The following GPAM variants were observed in gnomAD, a reference collection of about 807,000 sequenced individuals.
GPAM encodes the protein glycerol-3-phosphate acyltransferase, mitochondrial.
GPAM carries 56 observed loss-of-function variants against 105.0 expected under a neutral mutation model. The observed-to-expected ratio is 0.53, with a 90% CI of 0.43 to 0.67. The LOEUF (loss-of-function observed/expected upper bound fraction) is 0.67, where lower values mean the gene tolerates loss of function less well. Among genes scored for constraint, GPAM ranks in the 30% least tolerant of loss-of-function variants. The pLI is 0.00. For synonymous variants in GPAM, 368 were observed against 354.4 expected (o/e 1.04, Z -0.43); for missense variants, 855 against 989.8 (o/e 0.86, Z 1.83).
chr10:112,165,259 A>C (rs1207992462), intron 12 of GPAM, among the ~76,000 whole-genome samples: 1 of 152,188 alleles, frequency 6.6e-6, no homozygotes, highest in Non-Finnish European at 1.5e-5. Flanking sequence ...TGAATACCTT[A>C]AGAATTTAAA....
At chr10:112,164,335 C>G (rs1453651948) in intron 13 of GPAM, among the ~76,000 whole-genome samples, 190 bp downstream of exon 13, 1 of 152,126 alleles carries the variant, frequency 6.6e-6, no homozygotes, top group Non-Finnish European at 1.5e-5. Flanking sequence ...AAGTTATAAG[C>G]AAATAATTAA....
chr10:112,199,778 A>T (rs572238009), intron 1 of GPAM, among the ~76,000 whole-genome samples: 1 of 152,294 alleles, frequency 6.6e-6, no homozygotes, highest in South Asian at 2.1e-4. Flanking sequence ...GAGCTTGTGC[A>T]GGGGAACTCC....
At chr10:112,194,881 A>G (rs1847705118) in intron 1 of GPAM, among the ~76,000 whole-genome samples, 1 of 152,168 alleles carries the variant, frequency 6.6e-6, no homozygotes, top group East Asian at 1.9e-4. Context: ...AAGAACCTGG[A>G]AGTTCTTGAC....
At chr10:112,190,499 T>A (rs201928026) in intron 1 of GPAM, among the ~76,000 whole-genome samples, 4 of 135,922 alleles carry the variant, frequency 2.9e-5, no homozygotes, top group Non-Finnish European at 4.7e-5. Context: ...GACTCCATCT[T>A]AAAAAAAAAA....
At chr10:112,186,066 C>T (rs1847592772), upstream of GPAM, among the ~76,000 whole-genome samples, 1 of 151,584 alleles carries the variant, frequency 6.6e-6, no homozygotes, top group African/African-American at 2.4e-5. Flanking sequence ...TGAAGAAAAC[C>T]ATACCAAGAA....
intron 7 of GPAM, among the ~76,000 whole-genome samples, chr10:112,173,304 A>G (rs1167983250): frequency 1.3e-5 from 2 of 152,188 alleles, no homozygotes; most frequent in African/African-American, 2.4e-5. Flanking sequence ...GACTACAGTC[A>G]TAGTTCACTC....
At chr10:112,161,854 AT>A in intron 14 of GPAM, 117 bp from the exon 15 acceptor site, 1 of 767,058 alleles carries the variant, frequency 1.3e-6, no homozygotes. Context: ...CTTCTATCAC[AT>A]TTCCCATAAG....
chr10:112,154,880 ACAC>A, intron 20 of GPAM, 193 bp from the exon 21 acceptor site: 1 of 650,496 alleles, frequency 1.5e-6, no homozygotes. Context: ...TACTTTGCTT[ACAC>A]CTACTTTGTC....
At chr10:112,201,491 C>T (rs935722998) in intron 1 of GPAM, among the ~76,000 whole-genome samples, 1 of 152,190 alleles carries the variant, frequency 6.6e-6, no homozygotes. Flanking sequence ...CCTTACTCAA[C>T]CCTCGTCCCC....
rs936373590 is a variant in GPAM at position 112,153,451 on chromosome 10, C to T, written c.*99G>A. 4 of 1,601,828 alleles carry T rather than the reference C, an allele frequency of 2.5e-6. No individual in the cohort carries two copies. In the South Asian group the frequency reaches 4.4e-5, roughly 18 times the overall value. On this transcript the variant is annotated 3_prime_UTR_variant, in exon 22 of 22. Coordinates refer to ENST00000348367, the MANE Select transcript of GPAM (RefSeq NM_001244949.2). Reference sequence around the variant, plus strand: ...GGAGATCACTTCGGGACAGGGCAGGCCTGACCCTGCGATGGCACCTTCAAC... The same window carrying T: ...GGAGATCACTTCGGGACAGGGCAGGTCTGACCCTGCGATGGCACCTTCAAC...
intron 13 of GPAM, 74 bp downstream of exon 13, chr10:112,164,451 G>T: frequency 3.6e-6 from 3 of 832,000 alleles, no homozygotes; most frequent in South Asian, 2.7e-5. Flanking sequence ...TTTTAATAAG[G>T]TTAATCTATG....
chr10:112,211,483 G>A (rs1847910596), intron 1 of GPAM, among the ~76,000 whole-genome samples: 1 of 152,156 alleles, frequency 6.6e-6, no homozygotes, highest in African/African-American at 2.4e-5. Context: ...GTCGAGGCGG[G>A]CTATTAAGGA....
chr10:112,202,068 C>T (rs1482927128), intron 1 of GPAM, among the ~76,000 whole-genome samples: 1 of 152,174 alleles, frequency 6.6e-6, no homozygotes, highest in African/African-American at 2.4e-5. Flanking sequence ...GGAACCAAGA[C>T]TTGATTTGAA....
chr10:112,167,888 T>A (rs565129919), intron 11 of GPAM, among the ~76,000 whole-genome samples: 1 of 152,334 alleles, frequency 6.6e-6, no homozygotes, highest in Non-Finnish European at 1.5e-5. Flanking sequence ...CATTGCTACC[T>A]CTCAAATTAA....
intron 1 of GPAM, among the ~76,000 whole-genome samples, chr10:112,204,254 C>CTTTTT (rs59433956): frequency 7.5e-6 from 1 of 132,516 alleles, no homozygotes; most frequent in Non-Finnish European, 1.6e-5. Flanking sequence ...TTTCTTTGTT[C>CTTTTT]TTTTTTTTTT....
At chr10:112,217,671 T>A (rs1279726419), upstream of GPAM, among the ~76,000 whole-genome samples, 1 of 152,228 alleles carries the variant, frequency 6.6e-6, no homozygotes, top group Non-Finnish European at 1.5e-5. Flanking sequence ...AGCACAATTA[T>A]ACATTCTGTC....
At chr10:112,209,055 G>T (rs1847882104) in intron 1 of GPAM, among the ~76,000 whole-genome samples, 1 of 152,206 alleles carries the variant, frequency 6.6e-6, no homozygotes, top group African/African-American at 2.4e-5. Context: ...CAGTTGAGAA[G>T]AAACACATTG....
chr10:112,194,973 C>A lies in GPAM; in HGVS notation n.211-12082G>T, dbSNP rs569968992. Among the ~76,000 whole-genome samples the A allele has an allele frequency of 3.2e-4, 48 of 152,216 alleles. No homozygotes were observed. The South Asian group carries it at 9.1e-3, about 29-fold the overall frequency. On this transcript the variant is annotated intron_variant and non_coding_transcript_variant, in intron 1 of 3. Coordinates refer to the GPAM transcript ENST00000480130. The stretch of plus-strand genomic sequence containing the variant: ...TTTAAACCCATCACCCCCTTATCTC[C>A]CTCTCCACCTGCACTATCCTAATCC...
At chr10:112,166,606 A>G in intron 11 of GPAM, 91 bp from the exon 12 acceptor site, 1 of 801,972 alleles carries the variant, frequency 1.2e-6, no homozygotes, top group South Asian at 1.4e-5. Context: ...TGTTTTATGG[A>G]AACTGTAAGT....
Sources: gnomAD v4.1 joint callset for allele counts (sites outside exome capture counted in the v4.1 genomes callset) on GRCh38, gnomAD v4.1.1 for gene constraint, MANE v1.5 for transcripts, NCBI Gene and HGNC (gene_info 2026-07-23, HGNC 2026-07-21) for gene names.